The following NLGN4X variants were observed in gnomAD, a reference collection of about 807,000 sequenced individuals.
NLGN4X encodes neuroligin-4, X-linked.
NLGN4X carries 3 observed loss-of-function variants against 40.3 expected under a neutral mutation model. The ratio of observed to expected loss-of-function variants is 0.07; its 90% CI spans 0.03 to 0.19. The LOEUF is 0.19. Ranked by LOEUF, NLGN4X falls within the 10% of genes least tolerant of loss-of-function variation. NLGN4X has a pLI of 1.00. For synonymous variants in NLGN4X, 270 were observed against 306.8 expected (o/e 0.88, Z 1.25); for missense variants, 382 against 708.3 (o/e 0.54, Z 5.23).
At chrX:6,212,425 T>G (rs1212885410) in intron 1 of NLGN4X, among the ~76,000 whole-genome samples, 1 of 111,319 alleles carries the variant, frequency 9.0e-6, no homozygotes, top group Non-Finnish European at 1.9e-5. Flanking sequence ...AAGAGGATGA[T>G]ATCACCTTTT....
chrX:6,095,098 C>CGTGT (rs1308618584), intron 2 of NLGN4X, among the ~76,000 whole-genome samples: 12 of 22,257 alleles, frequency 5.4e-4, no homozygotes, highest in Admixed American at 6.7e-4. Context: ...TAAGTACGTG[C>CGTGT]GTGCGTGTGT....
intron 2 of NLGN4X, among the ~76,000 whole-genome samples, chrX:6,093,786 AAC>A (rs1488174626): frequency 8.9e-6 from 1 of 111,942 alleles, no homozygotes. Context: ...TCTATTGTAA[AAC>A]AGAAAGCATT....
intron 3 of NLGN4X, among the ~76,000 whole-genome samples, chrX:6,003,334 T>C (rs561367901): frequency 8.9e-6 from 1 of 112,515 alleles, no homozygotes; most frequent in South Asian, 3.7e-4. Flanking sequence ...AGATGTCTGT[T>C]ACCTAGGTTT....
chrX:5,891,637 A>G lies in NLGN4X; in HGVS notation c.*1180T>C. 1 of 236,086 alleles carries G rather than the reference A, an allele frequency of 4.2e-6. No individual in the cohort carries two copies. The highest frequency in any genetic ancestry group is 7.7e-6 in the Non-Finnish European group (1 of 130,065). The allele number at this position is 236,086 out of a possible 1,213,427, so 19.5% of individuals were successfully genotyped here. A position where few individuals can be genotyped will look rare whatever the true frequency, so the allele number is the denominator to read the frequency against. Reference sequence around the variant, plus strand: ...TGGCAGGGCCCTGAAATGGGAAGCAACTCTTCCTAAACATATTCAAAGGGC... The same window carrying G: ...TGGCAGGGCCCTGAAATGGGAAGCAGCTCTTCCTAAACATATTCAAAGGGC... On this transcript the variant is annotated 3_prime_UTR_variant, in exon 6 of 6. Transcript: ENST00000381095.
At chrX:6,102,812 G>C (rs1039819910) in intron 2 of NLGN4X, among the ~76,000 whole-genome samples, 6 of 110,851 alleles carry the variant, frequency 5.4e-5, no homozygotes, top group African/African-American at 1.6e-4. Context: ...AGATAGATAA[G>C]AAATCAACAG....
chrX:6,084,551 T>C (rs979716799), intron 2 of NLGN4X, among the ~76,000 whole-genome samples: 9 of 111,768 alleles, frequency 8.1e-5, no homozygotes, highest in Non-Finnish European at 3.8e-5. Flanking sequence ...TCAAAAAACC[T>C]TAAATTGATG....
chrX:6,150,877 A>G, intron 2 of NLGN4X, 118 bp downstream of exon 2: 2 of 612,036 alleles, frequency 3.3e-6, no homozygotes, highest in Non-Finnish European at 5.2e-6. Flanking sequence ...AAAATAAATT[A>G]AAATAAAATA....
chrX:6,148,392 C>T (rs145206099), intron 2 of NLGN4X, among the ~76,000 whole-genome samples: 2 of 112,404 alleles, frequency 1.8e-5, no homozygotes, highest in East Asian at 5.6e-4. Context: ...GAGATACTCC[C>T]TAAGAGAAGG....
At chrX:5,946,936 T>C (rs2034143602) in intron 3 of NLGN4X, among the ~76,000 whole-genome samples, 1 of 111,939 alleles carries the variant, frequency 8.9e-6, no homozygotes, top group African/African-American at 3.2e-5. Flanking sequence ...CAGTATTTGA[T>C]TCTCTGTTAC....
At position 6,092,611 on chromosome X, in the gene NLGN4X, A is replaced by C. The variant is rs186572936; in HGVS notation, c.472+58384T>G. 6.2e-4 allele frequency among the ~76,000 whole-genome samples: 70 copies of C among 112,591 alleles called. 1 individual carries two copies. Among genetic ancestry groups the C allele is most frequent in the Non-Finnish European group, 1.2e-3 (62 of 53,339 alleles). On this transcript the variant is annotated intron_variant, in intron 2 of 5. Transcript: ENST00000381095. The stretch of plus-strand genomic sequence containing the variant: ...AACACTGAGGTATTATAGGTGCTGC[A>C]CACAAAACTTGTGGTATTAAAATAG...
At chrX:6,030,771 A>G (rs973041770) in intron 2 of NLGN4X, among the ~76,000 whole-genome samples, 13 of 112,198 alleles carry the variant, frequency 1.2e-4, no homozygotes, top group Non-Finnish European at 2.3e-4. Context: ...ATATGAAGTA[A>G]AAATCTTCTA....
chrX:5,938,968 T>A (rs5961894), intron 3 of NLGN4X, among the ~76,000 whole-genome samples: 1 of 95,541 alleles, frequency 1.0e-5, no homozygotes, highest in Non-Finnish European at 2.0e-5. Context: ...TGTGTGTGCG[T>A]GTGTGTGTGT....
intron 3 of NLGN4X, among the ~76,000 whole-genome samples, chrX:5,914,856 TCAAA>T (rs2032705881): frequency 9.0e-6 from 1 of 111,729 alleles, no homozygotes; most frequent in South Asian, 3.7e-4. Context: ...CAAAAATCAG[TCAAA>T]CAGATGCAAA....
In NLGN4X at chrX:6,023,086, G is replaced by GT. The variant is rs200580578; in HGVS notation, c.625+6193dup. Among the ~76,000 whole-genome samples, 904 of 111,690 alleles carry GT rather than the reference G, an allele frequency of 8.1e-3. 8 individuals carry two copies. The highest frequency in any genetic ancestry group is 0.029 in the African/African-American group (877 of 30,730). On this transcript the variant is annotated intron_variant, in intron 3 of 5. Coordinates refer to ENST00000381095, the MANE Select transcript of NLGN4X (RefSeq NM_181332.3). ...GGATAGCTATAATATGTGAAAGATT[G>GT]TAAGAAATGCACCGAAATGATCATT... is the stretch of plus-strand genomic sequence containing the variant.
chrX:6,163,080 G>A (rs1287050266), intron 1 of NLGN4X, among the ~76,000 whole-genome samples: 2 of 111,274 alleles, frequency 1.8e-5, no homozygotes, highest in Non-Finnish European at 3.8e-5. Context: ...CTCTCTTTTT[G>A]CCTTCCGCCA....
At chrX:6,098,775 C>T (rs749691774) in intron 2 of NLGN4X, among the ~76,000 whole-genome samples, 3 of 111,549 alleles carry the variant, frequency 2.7e-5, no homozygotes, top group Non-Finnish European at 5.6e-5. Context: ...GACCTTCTTA[C>T]CCTAATAACT....
chrX:6,005,757 G>T (rs1463355826), intron 3 of NLGN4X, among the ~76,000 whole-genome samples: 1 of 110,845 alleles, frequency 9.0e-6, no homozygotes, highest in Non-Finnish European at 1.9e-5. Context: ...GACTCATATC[G>T]CAGGAAGAAA....
At chrX:5,962,679 T>C (rs769987639) in intron 3 of NLGN4X, among the ~76,000 whole-genome samples, 1 of 111,897 alleles carries the variant, frequency 8.9e-6, no homozygotes, top group East Asian at 2.8e-4. Context: ...CCCCAGGAGA[T>C]GGTATTAGGA....
intron 1 of NLGN4X, among the ~76,000 whole-genome samples, chrX:6,213,235 C>T (rs747191224): frequency 9.0e-6 from 1 of 111,448 alleles, no homozygotes; most frequent in Admixed American, 9.5e-5. Context: ...GGATTTCCTC[C>T]CCCAAACACA....
Sources: gnomAD v4.1 joint callset for allele counts (sites outside exome capture counted in the v4.1 genomes callset) on GRCh38, gnomAD v4.1.1 for gene constraint, MANE v1.5 for transcripts, NCBI Gene and HGNC (gene_info 2026-07-23, HGNC 2026-07-21) for gene names.